The following TBC1D4 variants were observed in gnomAD, a reference collection of about 807,000 sequenced individuals.
TBC1D4 encodes the protein TBC1 domain family member 4, also known as TBC (Tre-2, BUB2, CDC16) domain-containing protein.
In TBC1D4, 121 loss-of-function variants were observed where a neutral mutation model predicts 142.5. The ratio of observed to expected loss-of-function variants is 0.85; its 90% CI spans 0.73 to 0.99. TBC1D4 has a LOEUF of 0.99. Among genes scored for constraint, TBC1D4 ranks in the 50% least tolerant of loss-of-function variants. TBC1D4 has a pLI of 0.00. For synonymous variants in TBC1D4, 630 were observed against 628.2 expected (o/e 1.00, Z -0.04); for missense variants, 1,475 against 1,606.6 (o/e 0.92, Z 1.40).
At chr13:75,413,213 G>A (rs1490141002) in intron 1 of TBC1D4, among the ~76,000 whole-genome samples, 1 of 151,994 alleles carries the variant, frequency 6.6e-6, no homozygotes, top group African/African-American at 2.4e-5. Context: ...TGCCCAGGCT[G>A]GAGTGCAACA....
intron 1 of TBC1D4, among the ~76,000 whole-genome samples, chr13:75,370,075 C>G (rs1477070009): frequency 6.6e-6 from 1 of 152,122 alleles, no homozygotes. Flanking sequence ...GAGTAGACAT[C>G]TGAAGTCAGC....
chr13:75,322,281 T>C (rs1326465085), intron 11 of TBC1D4, among the ~76,000 whole-genome samples: 1 of 152,176 alleles, frequency 6.6e-6, no homozygotes, highest in African/African-American at 2.4e-5. Context: ...AAGAAAACAT[T>C]AAAACATACA....
At chr13:75,436,403 C>T (rs147132230) in intron 1 of TBC1D4, among the ~76,000 whole-genome samples, 1 of 152,250 alleles carries the variant, frequency 6.6e-6, no homozygotes, top group East Asian at 1.9e-4. Context: ...ACTCCCAAAT[C>T]CCAGCACTTT....
intron 1 of TBC1D4, among the ~76,000 whole-genome samples, chr13:75,426,562 T>C (rs1282751189): frequency 2.0e-5 from 3 of 152,180 alleles, no homozygotes; most frequent in African/African-American, 7.2e-5. Flanking sequence ...GCAACACTGG[T>C]ATGAGACTCA....
At chr13:75,318,929 A>AG (rs1454272349) in intron 12 of TBC1D4, among the ~76,000 whole-genome samples, 4 of 152,298 alleles carry the variant, frequency 2.6e-5, no homozygotes, top group African/African-American at 9.6e-5. Context: ...CTGAAAAAAA[A>AG]TCAAGCAAAA....
intron 12 of TBC1D4, among the ~76,000 whole-genome samples, chr13:75,314,020 A>G (rs751230482): frequency 2.0e-5 from 3 of 152,174 alleles, no homozygotes; most frequent in Non-Finnish European, 4.4e-5. Flanking sequence ...ATATTAGTGC[A>G]TAAGAAAATG....
intron 18 of TBC1D4, among the ~76,000 whole-genome samples, chr13:75,294,386 A>G (rs1875658468): frequency 6.6e-6 from 1 of 152,228 alleles, no homozygotes; most frequent in African/African-American, 2.4e-5. Flanking sequence ...AACAGGATGT[A>G]AAGTTATTCT....
At chr13:75,297,018 T>C (rs1431832) in intron 17 of TBC1D4, among the ~76,000 whole-genome samples, 3 of 151,866 alleles carry the variant, frequency 2.0e-5, no homozygotes, top group East Asian at 1.9e-4. Flanking sequence ...CTATTGGCTA[T>C]ACCCAAAACA....
chr13:75,288,818 T>G, intron 20 of TBC1D4, 116 bp downstream of exon 20: 1 of 1,102,576 alleles, frequency 9.1e-7, no homozygotes, highest in Non-Finnish European at 1.4e-6. Context: ...GTCTGATACA[T>G]GGGCTCTTGG....
At chr13:75,408,453 T>C (rs1885445716) in intron 1 of TBC1D4, among the ~76,000 whole-genome samples, 2 of 152,100 alleles carry the variant, frequency 1.3e-5, no homozygotes, top group Non-Finnish European at 2.9e-5. Flanking sequence ...ATCTAGGGGG[T>C]ATTAATGCTG....
intron 12 of TBC1D4, among the ~76,000 whole-genome samples, chr13:75,316,122 T>A (rs750600732): frequency 7.2e-5 from 11 of 152,224 alleles, no homozygotes; most frequent in Non-Finnish European, 1.6e-4. Context: ...GTTTATATTT[T>A]AATGCTGGAA....
chr13:75,311,659 C>A (rs571124768), intron 13 of TBC1D4, among the ~76,000 whole-genome samples: 1 of 152,224 alleles, frequency 6.6e-6, no homozygotes, highest in East Asian at 1.9e-4. Flanking sequence ...TTTCTTCCTT[C>A]TAGCTTCTAA....
At chr13:75,329,003 T>C (rs1475399085) in intron 8 of TBC1D4, among the ~76,000 whole-genome samples, 1 of 152,112 alleles carries the variant, frequency 6.6e-6, no homozygotes, top group African/African-American at 2.4e-5. Flanking sequence ...ATTCAGCTTA[T>C]CCTACCGTTC....
At chr13:75,340,167 G>A (rs1416333985) in intron 7 of TBC1D4, among the ~76,000 whole-genome samples, 4 of 152,094 alleles carry the variant, frequency 2.6e-5, no homozygotes, top group South Asian at 2.1e-4. Context: ...CCATCACATA[G>A]TTTAACTCAT....
chr13:75,401,567 T>TA (rs1885096922), intron 1 of TBC1D4, among the ~76,000 whole-genome samples: 1 of 152,162 alleles, frequency 6.6e-6, no homozygotes. Flanking sequence ...ATGTACAAAA[T>TA]AAAAAATATA....
At position 75,398,216 on chromosome 13, in the gene TBC1D4, T is replaced by C. The variant is rs74602578; in HGVS notation, c.499-35609A>G. On this transcript the variant is annotated intron_variant, in intron 1 of 20. Coordinates refer to ENST00000377636, the MANE Select transcript of TBC1D4 (RefSeq NM_014832.5). The stretch of plus-strand genomic sequence containing the variant: ...AATTCAAATTGCAGGGTACTAAGTA[T>C]ATAAACGTTGTTATCATTTTAAGCC... Among the ~76,000 whole-genome samples, 73 of 152,346 alleles carry C rather than the reference T, an allele frequency of 4.8e-4. No individual in the cohort carries two copies. In the East Asian group the frequency reaches 0.01, roughly 22 times the overall value.
At chr13:75,471,347 A>G (rs1360014636) in intron 1 of TBC1D4, among the ~76,000 whole-genome samples, 1 of 152,252 alleles carries the variant, frequency 6.6e-6, no homozygotes, top group African/African-American at 2.4e-5. Flanking sequence ...TGACCAGTGG[A>G]AAGGTTTAAA....
At chr13:75,427,079 T>G (rs974936930) in intron 1 of TBC1D4, among the ~76,000 whole-genome samples, 1 of 151,300 alleles carries the variant, frequency 6.6e-6, no homozygotes, top group Admixed American at 6.6e-5. Context: ...ATGAATACCT[T>G]CAAAATATAA....
At position 75,324,359 on chromosome 13, in the gene TBC1D4, A is replaced by G; in HGVS notation, c.2076T>C (p.Ser692=). The change falls in exon 11 of 21, where the codon TCT becomes TCC. Residue 692 remains serine, a synonymous_variant. Transcript: ENST00000377636. ...TGTGAAGACTTGGAAGACTGGAGGA[A>G]GAATTACTCTCCTTGTACATGCGTC... ...SVRRMYKESN[S]SSSLPSLHTS... is the part of the protein sequence containing the mutation. 6.2e-7 allele frequency: 1 copy of G among 1,614,044 alleles called. No homozygotes were observed. The highest frequency in any genetic ancestry group is 8.5e-7 in the Non-Finnish European group (1 of 1,179,908).
Sources: allele counts gnomAD v4.1 joint callset (sites outside exome capture counted in the v4.1 genomes callset), GRCh38; gene constraint gnomAD v4.1.1; transcripts MANE v1.5; gene names NCBI Gene and HGNC (gene_info 2026-07-23, HGNC 2026-07-21).